The following ENOX2 variants were observed in gnomAD, a reference collection of about 807,000 sequenced individuals.
ENOX2 encodes ecto-NOX disulfide-thiol exchanger 2.
ENOX2 carries 36 observed loss-of-function variants against 45.0 expected under a neutral mutation model. The ratio of observed to expected loss-of-function variants is 0.80; its 90% CI spans 0.61 to 1.06. The LOEUF (loss-of-function observed/expected upper bound fraction) is 1.06. Ranked by LOEUF, ENOX2 falls within the 50% of genes least tolerant of loss-of-function variation. ENOX2 has a pLI of 0.00. For synonymous variants in ENOX2, 174 were observed against 152.3 expected (o/e 1.14, Z -1.05); for missense variants, 423 against 462.5 (o/e 0.91, Z 0.78).
intron 2 of ENOX2, among the ~76,000 whole-genome samples, chrX:130,843,348 A>G (rs1054984325): frequency 2.7e-5 from 3 of 111,459 alleles, no homozygotes; most frequent in African/African-American, 9.8e-5. Context: ...TAATAATCTC[A>G]GTCCAGGAAG....
intron 9 of ENOX2, among the ~76,000 whole-genome samples, chrX:130,657,765 A>G (rs2036585200): frequency 8.9e-6 from 1 of 112,055 alleles, no homozygotes; most frequent in African/African-American, 3.2e-5. Context: ...TTCACAACAT[A>G]ATATCTGTAA....
intron 2 of ENOX2, among the ~76,000 whole-genome samples, chrX:130,784,193 C>T (rs768266392): frequency 9.0e-6 from 1 of 111,591 alleles, no homozygotes; most frequent in South Asian, 3.8e-4. Flanking sequence ...GAAAAGGAAA[C>T]AAATATATAG....
chrX:130,769,025 C>T (rs942991760), intron 3 of ENOX2, among the ~76,000 whole-genome samples: 1 of 111,224 alleles, frequency 9.0e-6, no homozygotes, highest in Non-Finnish European at 1.9e-5. Flanking sequence ...AAAATGCACC[C>T]TCCGCATGAC....
Position 130,821,590 on chromosome X carries a change from T to C in ENOX2, c.-182-37900A>G, listed in dbSNP as rs1288588431. On this transcript the variant is annotated intron_variant, in intron 2 of 14. Coordinates refer to ENST00000394363, the MANE Select transcript of ENOX2 (RefSeq NM_006375.4). ...TAGCAGTGGGAGATATACCTAATGCTAGATGACGAGTTAGTGGGTGCAGCA... is the reference window on the plus strand; with the variant it reads ...TAGCAGTGGGAGATATACCTAATGCCAGATGACGAGTTAGTGGGTGCAGCA... 3.6e-5 allele frequency among the ~76,000 whole-genome samples: 3 copies of C among 83,544 alleles called. No individual in the cohort carries two copies. In the Admixed American group the frequency reaches 4.3e-4, roughly 12 times the overall value. 72.5% of individuals were successfully genotyped at this position (83,544 alleles called of 115,157 possible). A position where few individuals can be genotyped will look rare whatever the true frequency, so the allele number is the denominator to read the frequency against.
chrX:130,658,353 G>A (rs1373372563), intron 9 of ENOX2, among the ~76,000 whole-genome samples: 3 of 111,467 alleles, frequency 2.7e-5, no homozygotes, highest in African/African-American at 9.8e-5. Flanking sequence ...AGAACACAGA[G>A]AAAGATAAAT....
intron 2 of ENOX2, among the ~76,000 whole-genome samples, chrX:130,799,437 TC>T (rs1378701018): frequency 1.3e-4 from 14 of 111,747 alleles, no homozygotes; most frequent in Non-Finnish European, 1.3e-4. Flanking sequence ...TTGTGGGACT[TC>T]ACCTTGTAAT....
chrX:130,747,233 T>C (rs1318048778), intron 3 of ENOX2, among the ~76,000 whole-genome samples: 2 of 110,739 alleles, frequency 1.8e-5, no homozygotes, highest in East Asian at 5.7e-4. Flanking sequence ...TACATTGTAC[T>C]CTCCTAAAAG....
At chrX:130,829,955 A>G (rs138474852) in intron 2 of ENOX2, among the ~76,000 whole-genome samples, 4,713 of 111,828 alleles carry the variant, frequency 0.042, 128 homozygotes, top group African/African-American at 0.094. Context: ...GAAGAACCTT[A>G]AAGATTATTT....
chrX:130,716,192 C>CA (rs765966478), intron 3 of ENOX2, among the ~76,000 whole-genome samples: 1 of 111,335 alleles, frequency 9.0e-6, no homozygotes, highest in Non-Finnish European at 1.9e-5. Flanking sequence ...GTATTTACAA[C>CA]AAAAAAAGGA....
chrX:130,818,286 G>C (rs1285440490), intron 2 of ENOX2, among the ~76,000 whole-genome samples: 1 of 111,880 alleles, frequency 8.9e-6, no homozygotes, highest in African/African-American at 3.3e-5. Context: ...CGTGCTCATG[G>C]ATAGGAGGAA....
intron 2 of ENOX2, among the ~76,000 whole-genome samples, chrX:130,835,835 G>A (rs2077919655): frequency 1.8e-5 from 2 of 112,312 alleles, no homozygotes; most frequent in South Asian, 7.3e-4. Context: ...TACCATGAAT[G>A]TTTTGCCTTT....
chrX:130,740,879 A>G (rs1049972088), intron 3 of ENOX2, among the ~76,000 whole-genome samples: 1 of 111,554 alleles, frequency 9.0e-6, no homozygotes, highest in African/African-American at 3.3e-5. Flanking sequence ...CAGGATTACC[A>G]CTTACTTGCT....
intron 2 of ENOX2, among the ~76,000 whole-genome samples, chrX:130,804,761 C>T (rs774698529): frequency 1.8e-4 from 20 of 111,857 alleles, no homozygotes; most frequent in African/African-American, 5.5e-4. Flanking sequence ...TTTCTCAACT[C>T]AATTTTCTGA....
chrX:130,813,600 G>C (rs1748131002), intron 2 of ENOX2, among the ~76,000 whole-genome samples: 2 of 111,762 alleles, frequency 1.8e-5, no homozygotes, highest in Admixed American at 9.5e-5. Context: ...CCCAAGAAAG[G>C]TGGGCTGAAG....
intron 2 of ENOX2, among the ~76,000 whole-genome samples, chrX:130,886,955 G>A (rs1026564404): frequency 3.6e-5 from 4 of 112,083 alleles, no homozygotes; most frequent in Non-Finnish European, 5.6e-5. Flanking sequence ...TAAGACTTGA[G>A]AAATTCAATA....
At chrX:130,746,682 T>A (rs2039104252) in intron 3 of ENOX2, among the ~76,000 whole-genome samples, 1 of 112,255 alleles carries the variant, frequency 8.9e-6, no homozygotes. Flanking sequence ...AGCTAGTCTC[T>A]AACCACAAAT....
intron 2 of ENOX2, among the ~76,000 whole-genome samples, chrX:130,809,563 C>G (rs755145792): frequency 9.0e-6 from 1 of 111,599 alleles, no homozygotes; most frequent in Non-Finnish European, 1.9e-5. Context: ...TGGGAAAAAA[C>G]AAAGTTTGTT....
intron 2 of ENOX2, among the ~76,000 whole-genome samples, chrX:130,888,152 CTA>C (rs2078938527): frequency 8.9e-6 from 1 of 111,834 alleles, no homozygotes; most frequent in African/African-American, 3.3e-5. Flanking sequence ...AAAAACAAAT[CTA>C]TGTCTACCTA....
At chrX:130,784,703 T>G (rs943637224) in intron 2 of ENOX2, among the ~76,000 whole-genome samples, 3 of 106,031 alleles carry the variant, frequency 2.8e-5, no homozygotes, top group African/African-American at 1.0e-4. Context: ...TCCTCCTGCC[T>G]CAGCCCCCCT....
Sources: allele counts gnomAD v4.1 joint callset (sites outside exome capture counted in the v4.1 genomes callset), GRCh38; gene constraint gnomAD v4.1.1; transcripts MANE v1.5; gene names NCBI Gene and HGNC (gene_info 2026-07-23, HGNC 2026-07-21).